Variants in RALGAPA1 observed in about 807,000 individuals in gnomAD.
RALGAPA1 encodes the protein ral GTPase-activating protein subunit alpha-1.
A neutral mutation model predicts 269.6 loss-of-function variants in RALGAPA1; 52 were observed. The observed-to-expected ratio is 0.19, with a 90% CI of 0.15 to 0.24. The LOEUF is 0.24. Among genes scored for constraint, RALGAPA1 ranks in the 10% least tolerant of loss-of-function variants. The pLI, the probability that RALGAPA1 is intolerant of heterozygous loss-of-function variation, is 1.00. For missense variants in RALGAPA1, 1,917 were observed against 3,013.9 expected, an observed-to-expected ratio of 0.64 and a Z score of 8.52; for synonymous variants, 817 against 1,008.3, an observed-to-expected ratio of 0.81 and a Z score of 3.60.
At chr14:35,604,658 C>T (rs979679473) in intron 36 of RALGAPA1, among the ~76,000 whole-genome samples, 1 of 151,710 alleles carries the variant, frequency 6.6e-6, no homozygotes, top group Admixed American at 6.6e-5. Flanking sequence ...AAATTGAAAA[C>T]TGTAATAATA....
chr14:35,547,415 C>T (rs1594510481), intron 41 of RALGAPA1, among the ~76,000 whole-genome samples: 1 of 152,038 alleles, frequency 6.6e-6, no homozygotes, highest in South Asian at 2.1e-4. Context: ...AAGAGTACAG[C>T]TGGTAAACAA....
intron 27 of RALGAPA1, 54 bp downstream of exon 27, chr14:35,664,588 A>C: frequency 2.1e-6 from 3 of 1,399,110 alleles, no homozygotes; most frequent in Non-Finnish European, 3.0e-6. Flanking sequence ...TATTGCATAT[A>C]CTTTATGATT....
chr14:35,790,463 G>A (rs893397923), intron 1 of RALGAPA1, among the ~76,000 whole-genome samples: 1 of 151,736 alleles, frequency 6.6e-6, no homozygotes, highest in African/African-American at 2.4e-5. Flanking sequence ...CAAGGCGGGC[G>A]GATCACTTGA....
At chr14:35,629,478 C>A (rs1290970968) in intron 33 of RALGAPA1, among the ~76,000 whole-genome samples, 1 of 152,018 alleles carries the variant, frequency 6.6e-6, no homozygotes, top group Non-Finnish European at 1.5e-5. Flanking sequence ...AAGGATTTGT[C>A]AGAATAAATA....
chr14:35,674,355 A>G (rs1239158133), intron 23 of RALGAPA1, 77 bp from the exon 24 acceptor site: 1 of 1,358,028 alleles, frequency 7.4e-7, no homozygotes, highest in South Asian at 1.4e-5. Flanking sequence ...TGAATTTCAA[A>G]TCCAGTTTCT....
At chr14:35,712,402 T>C (rs571587741) in intron 16 of RALGAPA1, among the ~76,000 whole-genome samples, 1 of 152,216 alleles carries the variant, frequency 6.6e-6, no homozygotes, top group Non-Finnish European at 1.5e-5. Context: ...TCATTCTTTA[T>C]AAATAATTTC....
In RALGAPA1 at chr14:35,756,917, A is replaced by G; in HGVS notation, c.548-9T>C. 1 of 1,596,162 alleles carries G rather than the reference A, an allele frequency of 6.3e-7. No individual in the cohort carries two copies. The highest frequency in any genetic ancestry group is 8.5e-7 in the Non-Finnish European group (1 of 1,170,666). ...TTCTATAGTGACTTGAGCTATCCAA[A>G]GACAAAAGAATAGTATATAGTTACA... On this transcript the variant is annotated splice_polypyrimidine_tract_variant and intron_variant, in intron 6 of 41. Coordinates refer to ENST00000680220, the MANE Select transcript of RALGAPA1 (RefSeq NM_001346249.2).
chr14:35,692,972 G>C (rs557195187), intron 17 of RALGAPA1, among the ~76,000 whole-genome samples: 1 of 152,106 alleles, frequency 6.6e-6, no homozygotes, highest in South Asian at 2.1e-4. Flanking sequence ...ACAACCCCAT[G>C]AAGTAGGTGC....
chr14:35,574,002 C>A (rs901999739), intron 37 of RALGAPA1, among the ~76,000 whole-genome samples: 1 of 152,138 alleles, frequency 6.6e-6, no homozygotes, highest in Non-Finnish European at 1.5e-5. Context: ...ATATGCTGTA[C>A]ATGTTACAAT....
intron 41 of RALGAPA1, among the ~76,000 whole-genome samples, chr14:35,546,350 AT>A (rs1264362960): frequency 2.0e-5 from 3 of 152,110 alleles, no homozygotes; most frequent in African/African-American, 4.8e-5. Context: ...TCTTAAAAAA[AT>A]AATGCTAAAT....
rs2066156963 is a variant in RALGAPA1 at position 35,688,477 on chromosome 14, A to G, written c.3934T>C (p.Phe1312Leu). 1.3e-6 allele frequency: 2 copies of G among 1,536,094 alleles called. No homozygotes were observed. The highest frequency in any genetic ancestry group is 1.7e-6 in the Non-Finnish European group (2 of 1,146,874). Reference protein sequence around the residue: ...RDLYSHVMGYFGRKAAVNKED... With the variant: ...RDLYSHVMGYLGRKAAVNKED... ...TGCTCACCTGCAGCTTTCCTTCCAA[A>G]ATAGCCCATTACATGACTGTACAGA... Residue 1312 changes from phenylalanine (F) to leucine (L), a missense_variant, in exon 18 of 42, where the codon TTT (phenylalanine) becomes CTT (leucine). Transcript: ENST00000680220.
chr14:35,702,525 C>T (rs1052891205), intron 16 of RALGAPA1, among the ~76,000 whole-genome samples: 7 of 152,078 alleles, frequency 4.6e-5, no homozygotes, highest in Non-Finnish European at 8.8e-5. Flanking sequence ...TCCAGTTTTC[C>T]CGCTAGCTTC....
chr14:35,755,245 T>C (rs1222842701), intron 7 of RALGAPA1, among the ~76,000 whole-genome samples: 2 of 151,804 alleles, frequency 1.3e-5, no homozygotes, highest in Non-Finnish European at 2.9e-5. Flanking sequence ...CCCAGCTACT[T>C]GGGAGGTTGA....
In RALGAPA1 at chr14:35,806,348, G is replaced by T. The variant is rs74042873; in HGVS notation, c.106+2382C>A. On this transcript the variant is annotated intron_variant, in intron 1 of 41. Coordinates refer to ENST00000680220, the MANE Select transcript of RALGAPA1 (RefSeq NM_001346249.2). Reference sequence around the variant, plus strand: ...ATCATTACCATTAGTTGTAAAATGGGGGGGAGGGGGTAGGTAGAAAGGATA... The same window carrying T: ...ATCATTACCATTAGTTGTAAAATGGTGGGGAGGGGGTAGGTAGAAAGGATA... Among the ~76,000 whole-genome samples the T allele has an allele frequency of 4.6e-5, 7 of 152,188 alleles. No individual in the cohort carries two copies. The East Asian group carries it at 7.7e-4, about 17-fold the overall frequency.
rs2140278160 is a variant in RALGAPA1 at position 35,674,722 on chromosome 14, A to G, written c.4625-13T>C. 2.1e-6 allele frequency: 3 copies of G among 1,445,972 alleles called. No homozygotes were observed. The highest frequency in any genetic ancestry group is 1.4e-5 in the African/African-American group (1 of 70,668). The allele number at this position is 1,445,972 out of a possible 1,614,324, so 89.6% of individuals were successfully genotyped here. On this transcript the variant is annotated splice_polypyrimidine_tract_variant and intron_variant, in intron 22 of 41. Transcript: ENST00000680220. ...AATTCACTAATTTCTATAGAAAAAA[A>G]TATATAGTGTCAGCCATTTTTCAGT...
rs138868739 is a variant in RALGAPA1 at position 35,755,592 on chromosome 14, A to C, written c.663+1201T>G. 2.4e-4 allele frequency among the ~76,000 whole-genome samples: 37 copies of C among 152,330 alleles called. No individual in the cohort carries two copies. The East Asian group carries it at 6.4e-3, about 26-fold the overall frequency. On this transcript the variant is annotated intron_variant, in intron 7 of 41. Transcript: ENST00000680220. ...TTTTAAAGAAAAATTAGTAATAACA[A>C]TGATGATCATAACACCTGCCCACTA...
At chr14:35,779,849 C>T (rs548493860) in intron 1 of RALGAPA1, among the ~76,000 whole-genome samples, 174 of 152,212 alleles carry the variant, frequency 1.1e-3, no homozygotes, top group African/African-American at 3.9e-3. Context: ...TTAGGCTGGG[C>T]GCAGTGGCTC....
intron 33 of RALGAPA1, 77 bp downstream of exon 33, chr14:35,634,497 T>C: frequency 8.4e-7 from 1 of 1,191,364 alleles, no homozygotes. Flanking sequence ...CCTTCTCCAA[T>C]ATTTCCACCC....
intron 16 of RALGAPA1, among the ~76,000 whole-genome samples, chr14:35,712,743 G>A (rs560629361): frequency 6.6e-6 from 1 of 152,306 alleles, no homozygotes; most frequent in Non-Finnish European, 1.5e-5. Flanking sequence ...CTGGCCTCAA[G>A]CAATCCTCCC....
Sources: allele counts gnomAD v4.1 joint callset (sites outside exome capture counted in the v4.1 genomes callset), GRCh38; gene constraint gnomAD v4.1.1; transcripts MANE v1.5; gene names NCBI Gene and HGNC (gene_info 2026-07-23, HGNC 2026-07-21).